The following DPYD variants were observed in gnomAD, a reference collection of about 807,000 sequenced individuals.
The protein encoded by DPYD is dihydropyrimidine dehydrogenase [NADP(+)].
DPYD carries 109 observed loss-of-function variants against 116.2 expected under a neutral mutation model. The observed-to-expected ratio is 0.94, with a 90% CI of 0.80 to 1.10. The LOEUF (loss-of-function observed/expected upper bound fraction) is 1.10, where lower values mean the gene tolerates loss of function less well. Ranked by LOEUF, DPYD falls within the 50% of genes least tolerant of loss-of-function variation. The pLI, the probability that DPYD is intolerant of heterozygous loss-of-function variation, is 0.00. For synonymous variants in DPYD, 440 were observed against 432.0 expected (o/e 1.02, Z -0.23); for missense variants, 1,302 against 1,254.5 (o/e 1.04, Z -0.57).
chr1:97,125,809 C>T (rs1652789378), intron 20 of DPYD, among the ~76,000 whole-genome samples: 1 of 152,006 alleles, frequency 6.6e-6, no homozygotes, highest in Non-Finnish European at 1.5e-5. Context: ...CACCAGACAC[C>T]AAACCTGCTA....
At chr1:97,262,220 G>A (rs962636786) in intron 18 of DPYD, among the ~76,000 whole-genome samples, 1 of 151,928 alleles carries the variant, frequency 6.6e-6, no homozygotes, top group African/African-American at 2.4e-5. Context: ...TATATCCATT[G>A]GAAAGAAAAT....
At chr1:97,129,644 T>A (rs2101663785) in intron 20 of DPYD, among the ~76,000 whole-genome samples, 1 of 152,296 alleles carries the variant, frequency 6.6e-6, no homozygotes, top group East Asian at 1.9e-4. Context: ...TCACATGGCC[T>A]ATTCCAATAG....
intron 13 of DPYD, among the ~76,000 whole-genome samples, chr1:97,453,268 T>G (rs1299344624): frequency 6.6e-6 from 1 of 152,056 alleles, no homozygotes; most frequent in African/African-American, 2.4e-5. Flanking sequence ...ATGCCCCCAT[T>G]CAGATACAAT....
chr1:97,709,737 GA>G (rs1488296527), intron 5 of DPYD, among the ~76,000 whole-genome samples: 1 of 151,614 alleles, frequency 6.6e-6, no homozygotes, highest in East Asian at 1.9e-4. Context: ...TTCTATAAAT[GA>G]AAAAAGACAA....
chr1:97,407,074 C>T (rs988352877), intron 14 of DPYD, among the ~76,000 whole-genome samples: 1 of 152,066 alleles, frequency 6.6e-6, no homozygotes, highest in African/African-American at 2.4e-5. Flanking sequence ...AACTTCCTTT[C>T]AGAGGCTTTA....
chr1:97,841,909 G>A (rs191111608), intron 2 of DPYD, among the ~76,000 whole-genome samples: 4 of 151,840 alleles, frequency 2.6e-5, no homozygotes, highest in African/African-American at 9.6e-5. Context: ...TGTATCTGAA[G>A]GGCTTAAACA....
At chr1:97,082,046 A>C (rs1056161492) in intron 22 of DPYD, among the ~76,000 whole-genome samples, 1 of 151,928 alleles carries the variant, frequency 6.6e-6, no homozygotes, top group East Asian at 1.9e-4. Flanking sequence ...TTTTGTGTGC[A>C]TTTCTCTTTT....
intron 18 of DPYD, among the ~76,000 whole-genome samples, chr1:97,261,888 C>A (rs1034628230): frequency 6.6e-6 from 1 of 151,862 alleles, no homozygotes; most frequent in Non-Finnish European, 1.5e-5. Flanking sequence ...CCTGATAATT[C>A]CTTAAACACT....
intron 13 of DPYD, among the ~76,000 whole-genome samples, chr1:97,471,632 A>G (rs1268029346): frequency 1.4e-5 from 2 of 147,844 alleles, no homozygotes; most frequent in Non-Finnish European, 3.0e-5. Context: ...TCTGTCGCCC[A>G]GGCTGGAGAG....
At chr1:97,552,077 G>T (rs973334489) in intron 11 of DPYD, among the ~76,000 whole-genome samples, 2 of 152,042 alleles carry the variant, frequency 1.3e-5, no homozygotes, top group African/African-American at 4.8e-5. Context: ...AGCCCCCCTA[G>T]ATGTGAAGGG....
chr1:97,363,802 T>G (rs1175637454), intron 16 of DPYD, among the ~76,000 whole-genome samples: 2 of 152,036 alleles, frequency 1.3e-5, no homozygotes, highest in African/African-American at 4.8e-5. Flanking sequence ...GGGCCTGTCA[T>G]GGGGTGGGGA....
At chr1:97,417,626 T>A (rs1674356843) in intron 14 of DPYD, among the ~76,000 whole-genome samples, 1 of 152,216 alleles carries the variant, frequency 6.6e-6, no homozygotes, top group Non-Finnish European at 1.5e-5. Context: ...CCTGATATAT[T>A]TGATTTTGAA....
At chr1:97,672,900 C>T (rs767993427) in intron 8 of DPYD, among the ~76,000 whole-genome samples, 7 of 151,650 alleles carry the variant, frequency 4.6e-5, no homozygotes, top group Non-Finnish European at 8.8e-5. Context: ...GGAATCTTCA[C>T]ATTTAAAAAA....
chr1:97,589,376 T>C (rs6682166), intron 10 of DPYD, among the ~76,000 whole-genome samples: 3,105 of 152,324 alleles, frequency 0.02, 104 homozygotes, highest in African/African-American at 0.071. Context: ...CCCCATGCTG[T>C]TCTCATGATG....
At chr1:97,842,084 A>T (rs1242948178) in intron 2 of DPYD, among the ~76,000 whole-genome samples, 1 of 151,850 alleles carries the variant, frequency 6.6e-6, no homozygotes, top group Non-Finnish European at 1.5e-5. Flanking sequence ...TTTTTTTACT[A>T]TTAGTGGAAT....
At chr1:97,500,857 G>A (rs1441950225) in intron 13 of DPYD, among the ~76,000 whole-genome samples, 2 of 151,992 alleles carry the variant, frequency 1.3e-5, no homozygotes, top group African/African-American at 4.8e-5. Context: ...CATGTTCTCT[G>A]CCAGTCCTTA....
intron 8 of DPYD, among the ~76,000 whole-genome samples, chr1:97,607,094 A>T (rs1321076650): frequency 6.6e-6 from 1 of 152,024 alleles, no homozygotes; most frequent in Non-Finnish European, 1.5e-5. Flanking sequence ...CCCTAGAGGT[A>T]TGTTTTCATT....
At chr1:97,271,657 A>C (rs138035570) in intron 18 of DPYD, among the ~76,000 whole-genome samples, 1 of 152,376 alleles carries the variant, frequency 6.6e-6, no homozygotes, top group African/African-American at 2.4e-5. Context: ...ATGCAGATTA[A>C]AAGAAATTAC....
chr1:97,342,091 T>A (rs1194658969), intron 16 of DPYD, among the ~76,000 whole-genome samples: 1 of 152,200 alleles, frequency 6.6e-6, no homozygotes, highest in Non-Finnish European at 1.5e-5. Context: ...GTCAATGAAT[T>A]TATTTCAGAG....
Sources: allele counts gnomAD v4.1 joint callset (sites outside exome capture counted in the v4.1 genomes callset), GRCh38; gene constraint gnomAD v4.1.1; transcripts MANE v1.5; gene names NCBI Gene and HGNC (gene_info 2026-07-23, HGNC 2026-07-21).